The following CADM2 variants were observed in gnomAD, a reference collection of about 807,000 sequenced individuals.
CADM2 encodes the protein cell adhesion molecule 2, also known as immunoglobulin superfamily member 4D.
A neutral mutation model predicts 49.8 loss-of-function variants in CADM2; 12 were observed. The ratio of observed to expected loss-of-function variants is 0.24; its 90% CI spans 0.15 to 0.39. CADM2 has a LOEUF of 0.39. Among genes scored for constraint, CADM2 ranks in the 10% least tolerant of loss-of-function variants. The pLI, the probability that CADM2 is intolerant of heterozygous loss-of-function variation, is 1.00. For missense variants in CADM2, 378 were observed against 492.3 expected, an observed-to-expected ratio of 0.77 and a Z score of 2.20; for synonymous variants, 214 against 175.4, an observed-to-expected ratio of 1.22 and a Z score of -1.74.
At chr3:85,801,285 C>T (rs1306062484) in intron 2 of CADM2, among the ~76,000 whole-genome samples, 1 of 152,094 alleles carries the variant, frequency 6.6e-6, no homozygotes, top group Non-Finnish European at 1.5e-5. Flanking sequence ...ACCTTGATTA[C>T]ATACTGATGA....
chr3:85,783,945 G>C (rs1364571310), intron 2 of CADM2, among the ~76,000 whole-genome samples: 1 of 152,030 alleles, frequency 6.6e-6, no homozygotes, highest in African/African-American at 2.4e-5. Context: ...AAGATTAGCT[G>C]GTCAATGACT....
chr3:85,294,086 C>T (rs1181058763), intron 1 of CADM2, among the ~76,000 whole-genome samples: 1 of 151,764 alleles, frequency 6.6e-6, no homozygotes, highest in Non-Finnish European at 1.5e-5. Flanking sequence ...GCAACTTCAG[C>T]AAAGTCTCAG....
At chr3:85,964,678 A>G (rs990661000) in intron 8 of CADM2, among the ~76,000 whole-genome samples, 3 of 151,766 alleles carry the variant, frequency 2.0e-5, no homozygotes, top group African/African-American at 7.2e-5. Context: ...CAGAGTCACC[A>G]TACTAATACC....
At chr3:85,806,671 G>T (rs929979699) in intron 3 of CADM2, among the ~76,000 whole-genome samples, 1 of 152,102 alleles carries the variant, frequency 6.6e-6, no homozygotes, top group African/African-American at 2.4e-5. Flanking sequence ...GGAACCGGAG[G>T]TTGCAGTGAG....
chr3:86,063,334 T>C (rs1348529700), intron 8 of CADM2, among the ~76,000 whole-genome samples: 1 of 152,204 alleles, frequency 6.6e-6, no homozygotes, highest in African/African-American at 2.4e-5. Flanking sequence ...CCATTTGGAA[T>C]TAAACCAAGA....
intron 7 of CADM2, among the ~76,000 whole-genome samples, chr3:85,957,269 A>AG (rs1429085510): frequency 4.6e-5 from 7 of 151,746 alleles, no homozygotes; most frequent in Non-Finnish European, 1.0e-4. Flanking sequence ...TAAGGATACT[A>AG]GGGGAGTGAT....
At chr3:85,525,504 G>T (rs2061141142) in intron 1 of CADM2, among the ~76,000 whole-genome samples, 2 of 152,072 alleles carry the variant, frequency 1.3e-5, no homozygotes, top group Admixed American at 1.3e-4. Context: ...GTAGTGTGCT[G>T]TGTCTTAGTT....
intron 1 of CADM2, among the ~76,000 whole-genome samples, chr3:85,286,132 G>T (rs1446583559): frequency 6.6e-6 from 1 of 152,130 alleles, no homozygotes; most frequent in Non-Finnish European, 1.5e-5. Flanking sequence ...TCTTGGCACA[G>T]CTGAATCTTC....
intron 1 of CADM2, among the ~76,000 whole-genome samples, chr3:85,712,908 T>C (rs552376815): frequency 3.9e-5 from 6 of 152,322 alleles, no homozygotes; most frequent in African/African-American, 1.4e-4. Flanking sequence ...GCATATTTAA[T>C]ATGCATTTGC....
intron 6 of CADM2, among the ~76,000 whole-genome samples, chr3:85,926,664 TA>T (rs1553708430): frequency 6.6e-6 from 1 of 152,108 alleles, no homozygotes; most frequent in Non-Finnish European, 1.5e-5. Context: ...GTTTTTTTTT[TA>T]TATTATTTGT....
intron 1 of CADM2, among the ~76,000 whole-genome samples, chr3:85,683,001 C>T (rs1213835735): frequency 6.6e-6 from 1 of 151,994 alleles, no homozygotes; most frequent in Non-Finnish European, 1.5e-5. Context: ...CCAACACTTT[C>T]TCCCCTTTAT....
Position 85,323,798 on chromosome 3 carries a change from A to T in CADM2, c.61+364130A>T, listed in dbSNP as rs190594292. On this transcript the variant is annotated intron_variant, in intron 1 of 9. Transcript: ENST00000383699. ...GTCATACCTTGTTTTCTTTGCTCCAATATCATCCTCTATACTTTGGTATCT... is the reference window on the plus strand; with the variant it reads ...GTCATACCTTGTTTTCTTTGCTCCATTATCATCCTCTATACTTTGGTATCT... 7.9e-4 allele frequency among the ~76,000 whole-genome samples: 121 copies of T among 152,294 alleles called. 1 individual carries two copies. The East Asian group carries it at 0.015, about 19-fold the overall frequency.
At chr3:85,468,133 G>A (rs547012969) in intron 1 of CADM2, among the ~76,000 whole-genome samples, 8 of 125,332 alleles carry the variant, frequency 6.4e-5, no homozygotes, top group Non-Finnish European at 9.4e-5. Context: ...CAGCCTGGGC[G>A]ACAGAGCGAG....
intron 1 of CADM2, among the ~76,000 whole-genome samples, chr3:85,468,667 C>G (rs1243358646): frequency 6.6e-6 from 1 of 152,114 alleles, no homozygotes; most frequent in African/African-American, 2.4e-5. Context: ...TTTCATTATA[C>G]ATCATTTCAC....
intron 2 of CADM2, among the ~76,000 whole-genome samples, chr3:85,770,639 G>A (rs559219083): frequency 1.3e-5 from 2 of 152,110 alleles, no homozygotes; most frequent in South Asian, 4.1e-4. Flanking sequence ...TATGAAGATT[G>A]CTTTTTGATT....
At chr3:85,210,739 G>C (rs545028529) in intron 1 of CADM2, among the ~76,000 whole-genome samples, 1 of 151,878 alleles carries the variant, frequency 6.6e-6, no homozygotes, top group African/African-American at 2.4e-5. Context: ...ATGAGTTTTT[G>C]CCATGTTGCC....
At chr3:85,036,124 T>A (rs1445613785) in intron 1 of CADM2, among the ~76,000 whole-genome samples, 1 of 152,186 alleles carries the variant, frequency 6.6e-6, no homozygotes, top group Non-Finnish European at 1.5e-5. Context: ...TGTCATACAT[T>A]ATTTCTTACC....
At chr3:85,153,234 T>C (rs906348316) in intron 1 of CADM2, among the ~76,000 whole-genome samples, 1 of 152,058 alleles carries the variant, frequency 6.6e-6, no homozygotes, top group African/African-American at 2.4e-5. Context: ...GCGCGCACCC[T>C]GCGCGAGCCG....
At chr3:85,132,236 T>G (rs1321436742) in intron 1 of CADM2, among the ~76,000 whole-genome samples, 1 of 152,206 alleles carries the variant, frequency 6.6e-6, no homozygotes, top group Non-Finnish European at 1.5e-5. Flanking sequence ...TTTCTTGTAG[T>G]TTAGCTTTGG....
Sources: allele counts gnomAD v4.1 joint callset (sites outside exome capture counted in the v4.1 genomes callset), GRCh38; gene constraint gnomAD v4.1.1; transcripts MANE v1.5; gene names NCBI Gene and HGNC (gene_info 2026-07-23, HGNC 2026-07-21).